MGAT5: variants seen among roughly 807,000 people sequenced by gnomAD.
MGAT5 encodes alpha-1,6-mannosylglycoprotein 6-beta-N-acetylglucosaminyltransferase, also known as alpha-1,6-mannosylglycoprotein 6-beta-N-acetylglucosaminyltransferase A.
MGAT5 carries 30 observed loss-of-function variants against 94.3 expected under a neutral mutation model. The observed-to-expected ratio is 0.32, with a 90% CI of 0.24 to 0.43. The LOEUF is 0.43. Among genes scored for constraint, MGAT5 ranks in the 20% least tolerant of loss-of-function variants. The probability of loss-of-function intolerance (pLI) is 1.00; values close to 1 mark genes in which losing one functional copy is unlikely to be tolerated. For synonymous variants in MGAT5, 310 were observed against 322.9 expected (o/e 0.96, Z 0.43); for missense variants, 691 against 905.5 (o/e 0.76, Z 3.04).
At chr2:134,345,124 A>G (rs1007536094) in intron 8 of MGAT5, 60 bp downstream of exon 8, 4 of 1,561,968 alleles carry the variant, frequency 2.6e-6, no homozygotes, top group Admixed American at 1.7e-5. Context: ...CAAAGGTTGC[A>G]TGGTTGTGGG....
At chr2:134,184,104 T>C (rs1688881396) in intron 1 of MGAT5, among the ~76,000 whole-genome samples, 1 of 152,244 alleles carries the variant, frequency 6.6e-6, no homozygotes, top group Non-Finnish European at 1.5e-5. Context: ...TTGAAACTTA[T>C]TTGTACCCAC....
At chr2:134,335,775 A>T (rs141078968) in intron 4 of MGAT5, among the ~76,000 whole-genome samples, 6 of 152,150 alleles carry the variant, frequency 3.9e-5, no homozygotes, top group African/African-American at 1.4e-4. Context: ...TGTGGCTCCA[A>T]TGCCATTCCC....
At chr2:134,378,286 G>A (rs1307177249) in intron 10 of MGAT5, among the ~76,000 whole-genome samples, 2 of 152,172 alleles carry the variant, frequency 1.3e-5, no homozygotes, top group Admixed American at 6.5e-5. Context: ...GTATTGGGGA[G>A]CAGAATGTGT....
At chr2:134,388,603 G>A (rs1558848811) in intron 10 of MGAT5, among the ~76,000 whole-genome samples, 2 of 152,144 alleles carry the variant, frequency 1.3e-5, no homozygotes, top group African/African-American at 4.8e-5. Flanking sequence ...TTCTTTAAGT[G>A]TCCTTTAACA....
At chr2:134,312,334 G>A (rs1686727024) in intron 2 of MGAT5, among the ~76,000 whole-genome samples, 1 of 152,090 alleles carries the variant, frequency 6.6e-6, no homozygotes, top group Non-Finnish European at 1.5e-5. Flanking sequence ...TCACATGGGG[G>A]CTAGGCCATG....
intron 10 of MGAT5, among the ~76,000 whole-genome samples, chr2:134,399,331 GC>G (rs1682901642): frequency 6.6e-6 from 1 of 152,144 alleles, no homozygotes; most frequent in Non-Finnish European, 1.5e-5. Flanking sequence ...TTCTCTCCAA[GC>G]TCTAAATATC....
At chr2:134,382,996 A>G (rs1349251416) in intron 10 of MGAT5, among the ~76,000 whole-genome samples, 1 of 152,228 alleles carries the variant, frequency 6.6e-6, no homozygotes, top group Non-Finnish European at 1.5e-5. Context: ...TAGCTTTGGA[A>G]AGATTTGATA....
intron 10 of MGAT5, among the ~76,000 whole-genome samples, chr2:134,376,654 G>C (rs1204306841): frequency 1.3e-5 from 2 of 152,178 alleles, no homozygotes; most frequent in Non-Finnish European, 2.9e-5. Context: ...GGACCTAGGG[G>C]AGGAAAGAAA....
At chr2:134,421,050 T>C (rs990019760) in intron 12 of MGAT5, among the ~76,000 whole-genome samples, 1 of 152,136 alleles carries the variant, frequency 6.6e-6, no homozygotes, top group African/African-American at 2.4e-5. Context: ...CCTGAGTGTG[T>C]TTACGTATGC....
chr2:134,338,425 G>T lies in MGAT5; in HGVS notation c.807+5G>T, dbSNP rs763382404. The T allele has an allele frequency of 6.3e-7, 1 of 1,595,634 alleles. No homozygotes were observed. Among genetic ancestry groups the T allele is most frequent in the South Asian group, 1.1e-5 (1 of 87,506 alleles). On this transcript the variant is annotated splice_donor_5th_base_variant and intron_variant, in intron 6 of 15. Transcript: ENST00000281923. ...GAAAAGAGAAAGCGGAAGAAAGTGA[G>T]TTTCTTATTAATTCAGTGCAGTTAG...
At chr2:134,180,978 A>G (rs1688707612) in intron 1 of MGAT5, among the ~76,000 whole-genome samples, 1 of 152,164 alleles carries the variant, frequency 6.6e-6, no homozygotes, top group African/African-American at 2.4e-5. Context: ...TCGCCTAAAC[A>G]TTTGTTCTCA....
intron 1 of MGAT5, among the ~76,000 whole-genome samples, chr2:134,239,290 G>T (rs2105437007): frequency 6.6e-6 from 1 of 152,080 alleles, no homozygotes; most frequent in South Asian, 2.1e-4. Flanking sequence ...GAGCCACCAC[G>T]CCCAGCCCTG....
chr2:134,152,899 C>CTTTTTTTTTTTTTTTTTTTTTT (rs35135371), intron 1 of MGAT5, among the ~76,000 whole-genome samples: 1 of 117,292 alleles, frequency 8.5e-6, no homozygotes. Context: ...ATGGAGTCCA[C>CTTTTTTTTTTTTTTTTTTTTTT]TTTTTTTTTT....
At position 134,422,806 on chromosome 2, in the gene MGAT5, A is replaced by G. The variant is rs1322993285; in HGVS notation, c.1681A>G (p.Thr561Ala). ...GAGGTGTTCGGTTCTTTTCCAGCTG[A>G]CATCCCAGCATCCTTACGCTGAAGT... ...FIGKPTLREL[T>A]SQHPYAEVFI... Residue 561 changes from threonine to alanine, a missense_variant, in exon 13 of 16, where the codon ACA becomes GCA. Thr to Ala is a moderately conservative substitution (Grantham distance 58). Coordinates refer to ENST00000281923, the MANE Select transcript of MGAT5 (RefSeq NM_002410.5). The G allele has an allele frequency of 6.2e-7, 1 of 1,613,352 alleles. No individual in the cohort carries two copies. The highest frequency in any genetic ancestry group is 1.3e-5 in the African/African-American group (1 of 74,908).
chr2:134,350,090 T>TG, intron 9 of MGAT5, 152 bp downstream of exon 9: 1 of 595,334 alleles, frequency 1.7e-6, no homozygotes, highest in East Asian at 3.0e-5. Context: ...ACTGAATTTG[T>TG]TTTTTTGTTT....
intron 1 of MGAT5, among the ~76,000 whole-genome samples, chr2:134,172,839 T>C (rs1239390623): frequency 6.6e-6 from 1 of 152,216 alleles, no homozygotes; most frequent in African/African-American, 2.4e-5. Flanking sequence ...GTGTCAAGGT[T>C]ATGGGGTCAA....
chr2:134,282,896 A>C (rs1200526475), intron 2 of MGAT5, among the ~76,000 whole-genome samples: 1 of 152,116 alleles, frequency 6.6e-6, no homozygotes, highest in African/African-American at 2.4e-5. Flanking sequence ...CAGTCTGTAC[A>C]ACAGCCCAGG....
chr2:134,159,385 G>A (rs1573766296), intron 1 of MGAT5, among the ~76,000 whole-genome samples: 1 of 152,062 alleles, frequency 6.6e-6, no homozygotes, highest in African/African-American at 2.4e-5. Flanking sequence ...GCATTTGAAC[G>A]GTGACAAGAT....
intron 9 of MGAT5, among the ~76,000 whole-genome samples, chr2:134,358,122 AT>A (rs1170758235): frequency 2.0e-5 from 3 of 151,776 alleles, no homozygotes; most frequent in African/African-American, 4.8e-5. Context: ...ACAAATCTAG[AT>A]TCTACAATTA....
Sources: gnomAD v4.1 joint callset for allele counts (sites outside exome capture counted in the v4.1 genomes callset) on GRCh38, gnomAD v4.1.1 for gene constraint, MANE v1.5 for transcripts, NCBI Gene and HGNC (gene_info 2026-07-23, HGNC 2026-07-21) for gene names.